Variants in FBXL13 observed in about 807,000 individuals in gnomAD.
FBXL13 encodes F-box and leucine rich repeat protein 13.
In FBXL13, 67 loss-of-function variants were observed where a neutral mutation model predicts 83.6. The ratio of observed to expected loss-of-function variants is 0.80; its 90% CI spans 0.66 to 0.98. The LOEUF is 0.98. FBXL13 is among the 50% of genes least tolerant of loss of function. FBXL13 has a pLI of 0.00. For synonymous variants in FBXL13, 272 were observed against 299.5 expected, an observed-to-expected ratio of 0.91 and a Z score of 0.95; for missense variants, 822 against 866.5, an observed-to-expected ratio of 0.95 and a Z score of 0.64.
chr7:102,840,774 G>C (rs1487444659), intron 17 of FBXL13, among the ~76,000 whole-genome samples: 1 of 152,088 alleles, frequency 6.6e-6, no homozygotes, highest in Admixed American at 6.5e-5. Flanking sequence ...TATGTGACCA[G>C]GAACAAGTCA....
chr7:102,998,954 T>C (rs530473115), intron 6 of FBXL13, among the ~76,000 whole-genome samples: 23 of 152,314 alleles, frequency 1.5e-4, no homozygotes. Flanking sequence ...TCCAGTACTA[T>C]GTTGAATAAA....
intron 10 of FBXL13, among the ~76,000 whole-genome samples, chr7:102,918,738 T>C (rs1262935507): frequency 1.3e-5 from 2 of 152,178 alleles, no homozygotes; most frequent in African/African-American, 4.8e-5. Flanking sequence ...GGGTGTAGCC[T>C]GGGTGAAAGA....
At chr7:102,848,797 G>A (rs868206449) in intron 17 of FBXL13, among the ~76,000 whole-genome samples, 38 of 151,996 alleles carry the variant, frequency 2.5e-4, no homozygotes, top group Non-Finnish European at 4.9e-4. Flanking sequence ...TCAGGAGTTC[G>A]AGACCAGTCT....
chr7:102,881,119 C>T (rs1809994067), intron 14 of FBXL13, among the ~76,000 whole-genome samples: 1 of 152,072 alleles, frequency 6.6e-6, no homozygotes, highest in Non-Finnish European at 1.5e-5. Context: ...AGTGTCTTGT[C>T]ACCTCTACTT....
rs961535850 is a variant in FBXL13 at position 102,957,176 on chromosome 7, C to A, written c.724+6357G>T. 3.3e-5 allele frequency among the ~76,000 whole-genome samples: 5 copies of A among 152,224 alleles called. No homozygotes were observed. The South Asian group carries it at 1.0e-3, about 32-fold the overall frequency. ...TAACCAAAACGGCATGGTACTGGTA[C>A]CAAAACAGATATATACACCAATGGA... is the stretch of plus-strand genomic sequence containing the variant. On this transcript the variant is annotated intron_variant, in intron 8 of 19. Transcript: ENST00000313221.
intron 11 of FBXL13, among the ~76,000 whole-genome samples, chr7:102,892,710 C>T (rs1811688418): frequency 6.6e-6 from 1 of 152,158 alleles, no homozygotes; most frequent in East Asian, 1.9e-4. Context: ...ACTTTAGTTT[C>T]ACAAATGATA....
At chr7:103,040,907 C>T (rs1470272544) in intron 2 of FBXL13, among the ~76,000 whole-genome samples, 1 of 152,102 alleles carries the variant, frequency 6.6e-6, no homozygotes, top group South Asian at 2.1e-4. Context: ...CCTAAAATCA[C>T]AATTAAAAGA....
chr7:102,949,594 T>C (rs1823090318), intron 8 of FBXL13, among the ~76,000 whole-genome samples: 2 of 152,240 alleles, frequency 1.3e-5, no homozygotes, highest in African/African-American at 4.8e-5. Flanking sequence ...GACATTACAT[T>C]TGCTTCCTTA....
downstream of FBXL13, among the ~76,000 whole-genome samples, chr7:102,812,727 GTCT>G (rs1010811204): frequency 3.3e-5 from 5 of 151,540 alleles, no homozygotes; most frequent in African/African-American, 9.7e-5. Context: ...TGTCAAAAAA[GTCT>G]CATCTCTCAG....
chr7:102,843,445 A>G (rs1803336099), intron 17 of FBXL13, among the ~76,000 whole-genome samples: 1 of 152,046 alleles, frequency 6.6e-6, no homozygotes, highest in Non-Finnish European at 1.5e-5. Flanking sequence ...TCTCAAAAAC[A>G]AAAACAAAAA....
chr7:103,037,599 G>A (rs1433324657), intron 2 of FBXL13, among the ~76,000 whole-genome samples: 2 of 151,994 alleles, frequency 1.3e-5, no homozygotes, highest in Admixed American at 1.3e-4. Flanking sequence ...GAGGCCAGGA[G>A]TTTGAGACCA....
At chr7:103,048,223 G>GAT (rs988881474) in intron 2 of FBXL13, among the ~76,000 whole-genome samples, 27 of 151,844 alleles carry the variant, frequency 1.8e-4, no homozygotes, top group East Asian at 5.8e-4. Flanking sequence ...TAAATATAAA[G>GAT]ATATATATAT....
intron 1 of FBXL13, among the ~76,000 whole-genome samples, chr7:103,059,432 A>G (rs1344176009): frequency 2.6e-5 from 4 of 152,230 alleles, no homozygotes; most frequent in East Asian, 1.9e-4. Flanking sequence ...TCCCTGCCCA[A>G]TGAAAATAAA....
chr7:103,002,235 G>T (rs1301812269), intron 6 of FBXL13, among the ~76,000 whole-genome samples: 1 of 152,048 alleles, frequency 6.6e-6, no homozygotes, highest in African/African-American at 2.4e-5. Flanking sequence ...GAAATGGCAA[G>T]TTTTTTTAAA....
At chr7:103,044,067 C>T (rs957097114) in intron 2 of FBXL13, among the ~76,000 whole-genome samples, 3 of 152,096 alleles carry the variant, frequency 2.0e-5, no homozygotes, top group Non-Finnish European at 1.5e-5. Flanking sequence ...TATTATTGTC[C>T]ACACAAAATG....
intron 1 of FBXL13, among the ~76,000 whole-genome samples, chr7:103,057,092 T>C (rs1025021290): frequency 2.0e-5 from 3 of 152,164 alleles, no homozygotes; most frequent in Non-Finnish European, 2.9e-5. Context: ...GCCTACTCTG[T>C]GGGTTGTCTG....
At chr7:102,924,643 T>G (rs1030517890) in intron 10 of FBXL13, among the ~76,000 whole-genome samples, 1 of 145,126 alleles carries the variant, frequency 6.9e-6, no homozygotes, top group African/African-American at 2.5e-5. Flanking sequence ...AAGCTTTTCT[T>G]TTTTTTTTTT....
intron 10 of FBXL13, among the ~76,000 whole-genome samples, chr7:102,914,976 T>G (rs1584913666): frequency 6.6e-6 from 1 of 152,272 alleles, no homozygotes; most frequent in East Asian, 1.9e-4. Context: ...AGAAAGGAGT[T>G]GTGAGGCAGG....
chr7:103,035,589 A>T (rs566841060), intron 2 of FBXL13, among the ~76,000 whole-genome samples: 1 of 152,328 alleles, frequency 6.6e-6, no homozygotes, highest in Non-Finnish European at 1.5e-5. Flanking sequence ...TCCATTTACT[A>T]TATGTAAAAA....
Sources: gnomAD v4.1 joint callset for allele counts (sites outside exome capture counted in the v4.1 genomes callset) on GRCh38, gnomAD v4.1.1 for gene constraint, MANE v1.5 for transcripts, NCBI Gene and HGNC (gene_info 2026-07-23, HGNC 2026-07-21) for gene names.